ATXN2: variants seen among roughly 807,000 people sequenced by gnomAD.
The protein encoded by ATXN2 is ataxin 2, also known as ataxin-2.
Under a neutral mutation model 138.6 loss-of-function variants are expected in ATXN2, and 37 were observed. That is an observed-to-expected ratio of 0.27 (90% confidence interval 0.21 to 0.35). The LOEUF (loss-of-function observed/expected upper bound fraction) is 0.35. Among genes scored for constraint, ATXN2 ranks in the 10% least tolerant of loss-of-function variants. The pLI is 1.00. For synonymous variants in ATXN2, 549 were observed against 543.7 expected, an observed-to-expected ratio of 1.01 and a Z score of -0.13; for missense variants, 1,216 against 1,480.3, an observed-to-expected ratio of 0.82 and a Z score of 2.93.
intron 5 of ATXN2, among the ~76,000 whole-genome samples, chr12:111,528,373 G>C (rs577113716): frequency 6.6e-6 from 1 of 152,238 alleles, no homozygotes; most frequent in Non-Finnish European, 1.5e-5. Context: ...TGTTTTTACA[G>C]TATTATTCTA....
At chr12:111,588,057 C>T (rs776684668) in intron 1 of ATXN2, among the ~76,000 whole-genome samples, 8 of 151,850 alleles carry the variant, frequency 5.3e-5, no homozygotes, top group East Asian at 3.9e-4. Context: ...CACTGTGGGG[C>T]GCACCAGTAG....
intron 5 of ATXN2, among the ~76,000 whole-genome samples, chr12:111,544,657 G>A (rs1356338880): frequency 2.0e-5 from 3 of 152,280 alleles, no homozygotes; most frequent in Non-Finnish European, 4.4e-5. Flanking sequence ...ACACATCTAA[G>A]GGGTGTGTGA....
intron 1 of ATXN2, among the ~76,000 whole-genome samples, chr12:111,566,513 C>A (rs1883018396): frequency 6.6e-6 from 1 of 151,258 alleles, no homozygotes; most frequent in Admixed American, 6.6e-5. Flanking sequence ...TCTCTGATGG[C>A]AAAATAAATT....
At position 111,485,518 on chromosome 12, in the gene ATXN2, A is replaced by T. The variant is rs115119478; in HGVS notation, c.2458-187T>A. Among the ~76,000 whole-genome samples the T allele has an allele frequency of 2.8e-3, 421 of 152,312 alleles. 4 individuals carry two copies. Among genetic ancestry groups the T allele is most frequent in the African/African-American group, 9.6e-3 (398 of 41,568 alleles). Reference sequence around the variant, plus strand: ...AAACCCCAAACTACAGTAAATCTAAACCATCTTTTTCACAGAAAACATTCT... The same window carrying T: ...AAACCCCAAACTACAGTAAATCTAATCCATCTTTTTCACAGAAAACATTCT... On this transcript the variant is annotated intron_variant, in intron 17 of 24. Transcript: ENST00000673436.
chr12:111,464,008 G>A (rs771403149), intron 21 of ATXN2, among the ~76,000 whole-genome samples: 1 of 151,932 alleles, frequency 6.6e-6, no homozygotes, highest in Admixed American at 6.6e-5. Context: ...GGCTGGTCTT[G>A]AACTGCTGAC....
chr12:111,516,495 G>T lies in ATXN2; in HGVS notation c.1166-132C>A. ...TTTAACCCTTTGAGGACAGTCATTT[G>T]ATTTGTGATAAGTTTTAGCATAACT... is the stretch of plus-strand genomic sequence containing the variant. On this transcript the variant is annotated intron_variant, in intron 9 of 24. Transcript: ENST00000673436. This position sits in a 1 kb window ranked among gnomAD's most constrained non-coding sequence, Gnocchi z 5.0. The T allele has an allele frequency of 1.2e-6, 1 of 861,544 alleles. No individual in the cohort carries two copies. The highest frequency in any genetic ancestry group is 1.8e-6 in the Non-Finnish European group (1 of 569,696). 53.4% of individuals were successfully genotyped at this position (861,544 alleles called of 1,614,324 possible). A position where few individuals can be genotyped will look rare whatever the true frequency, so the allele number is the denominator to read the frequency against.
At chr12:111,571,657 TA>T (rs1353805102) in intron 1 of ATXN2, among the ~76,000 whole-genome samples, 2 of 152,152 alleles carry the variant, frequency 1.3e-5, no homozygotes, top group African/African-American at 4.8e-5. Context: ...GGAGTTCTAT[TA>T]GGGGTCAGCA....
rs1225959931 is a variant in ATXN2, at chr12:111,453,863, T to C, written c.3271-18A>G. The stretch of plus-strand genomic sequence containing the variant: ...ACATGAGCCTGAAACAGAGAGCTCT[T>C]TTACGCATACAGGCAACATCTCCGG... On this transcript the variant is annotated intron_variant, in intron 23 of 24. Transcript: ENST00000673436. The surrounding 1 kb of genome is among the most constrained non-coding windows in gnomAD (Gnocchi z 5.4). The C allele has an allele frequency of 6.3e-7, 1 of 1,593,508 alleles. No homozygotes were observed.
chr12:111,591,765 G>A (rs1884675455), intron 1 of ATXN2, among the ~76,000 whole-genome samples: 1 of 152,128 alleles, frequency 6.6e-6, no homozygotes, highest in Non-Finnish European at 1.5e-5. Context: ...TTTTGTTGTT[G>A]TTGTTGTTGT....
chr12:111,583,020 T>G (rs1263353242), intron 1 of ATXN2, among the ~76,000 whole-genome samples: 5 of 118,532 alleles, frequency 4.2e-5, no homozygotes, highest in Non-Finnish European at 6.8e-5. Flanking sequence ...GGAGACAGAG[T>G]CTCGTTCTGT....
rs1443087193 is a variant in ATXN2 at position 111,453,745 on chromosome 12, G to A, written c.3371C>T (p.Ala1124Val). The change falls in exon 24 of 25, where the codon GCT becomes GTT. Residue 1124 changes from alanine (A) to valine (V), a missense_variant. Around this residue, in one of 4 missense-constraint regions of ATXN2, gnomAD observed 490 missense variants for 653.5 expected, o/e 0.75. Transcript: ENST00000673436. This position sits in a 1 kb window ranked among gnomAD's most constrained non-coding sequence, Gnocchi z 5.4. ...QPPGGPQAALAQSALQPIPVS... is the reference protein window; with the variant it reads ...QPPGGPQAALVQSALQPIPVS... ...TGGAATGGGCTGTAGTGCACTTTGA[G>A]CGAGGGCGGCCTGGGGACCGCCGGG... 6.2e-7 allele frequency: 1 copy of A among 1,614,074 alleles called. No individual in the cohort carries two copies. The highest frequency in any genetic ancestry group is 1.1e-5 in the South Asian group (1 of 91,062).
chr12:111,479,054 T>A, intron 18 of ATXN2: 1 of 383,572 alleles, frequency 2.6e-6, no homozygotes. Flanking sequence ...TTTAAAAAAA[T>A]GAAATATGCA....
rs77292442 is a variant in ATXN2 at position 111,457,794 on chromosome 12, T to G, written c.2897-435A>C. ...AGACTATATTGGGTGTGGTGGGGGA[T>G]GGGGGTGCGGGCACTGTGTATGGTA... is the stretch of plus-strand genomic sequence containing the variant. On this transcript the variant is annotated intron_variant, in intron 21 of 24. Coordinates refer to ENST00000673436, the MANE Select transcript of ATXN2 (RefSeq NM_001372574.1). 4.9e-3 allele frequency: 783 copies of G among 158,568 alleles called. 8 individuals are homozygous for G. Among genetic ancestry groups the G allele is most frequent in the African/African-American group, 0.018 (762 of 41,670 alleles). The allele number at this position is 158,568 out of a possible 1,614,324, so 9.8% of individuals were successfully genotyped here. A position where few individuals can be genotyped will look rare whatever the true frequency, so the allele number is the denominator to read the frequency against.
chr12:111,588,534 A>C (rs1566083689), intron 1 of ATXN2, among the ~76,000 whole-genome samples: 1 of 151,602 alleles, frequency 6.6e-6, no homozygotes, highest in Non-Finnish European at 1.5e-5. Flanking sequence ...AGGCAGAAAA[A>C]TCGCTTTAAC....
intron 21 of ATXN2, among the ~76,000 whole-genome samples, chr12:111,462,819 T>C (rs924172330): frequency 2.6e-5 from 4 of 152,182 alleles, no homozygotes; most frequent in Admixed American, 1.3e-4. Flanking sequence ...TAAAATCACC[T>C]ACTATCTTTT....
chr12:111,456,613 C>G (rs1875120981), intron 22 of ATXN2, among the ~76,000 whole-genome samples: 1 of 152,150 alleles, frequency 6.6e-6, no homozygotes. Context: ...TCACATAAAC[C>G]TTAGAAATTA....
intron 1 of ATXN2, among the ~76,000 whole-genome samples, chr12:111,578,532 G>A (rs1006585372): frequency 1.3e-5 from 2 of 152,080 alleles, no homozygotes; most frequent in African/African-American, 2.4e-5. Context: ...TACTCTGTAC[G>A]ACAGCCTATG....
At chr12:111,544,356 A>C (rs1881695528) in intron 5 of ATXN2, among the ~76,000 whole-genome samples, 1 of 152,200 alleles carries the variant, frequency 6.6e-6, no homozygotes, top group Non-Finnish European at 1.5e-5. Flanking sequence ...ATGCTTCTAC[A>C]AAAGTGTATT....
intron 18 of ATXN2, among the ~76,000 whole-genome samples, chr12:111,483,202 C>T (rs1200569043): frequency 7.1e-6 from 1 of 141,328 alleles, no homozygotes; most frequent in Non-Finnish European, 1.6e-5. Context: ...CATACACACA[C>T]ACACACACAC....
Sources: gnomAD v4.1 joint callset for allele counts (sites outside exome capture counted in the v4.1 genomes callset) on GRCh38, gnomAD v4.1.1 for gene constraint, gnomAD v4.1.1 regional missense constraint, Gnocchi (gnomAD v3.1) non-coding constraint, MANE v1.5 for transcripts, NCBI Gene and HGNC (gene_info 2026-07-23, HGNC 2026-07-21) for gene names.